SNTG1: variants seen among roughly 807,000 people sequenced by gnomAD.
SNTG1 encodes gamma-1-syntrophin.
Under a neutral mutation model 74.7 loss-of-function variants are expected in SNTG1, and 39 were observed. The ratio of observed to expected loss-of-function variants is 0.52; its 90% CI spans 0.40 to 0.68. The LOEUF (loss-of-function observed/expected upper bound fraction) is 0.68, where lower values mean the gene tolerates loss of function less well. Ranked by LOEUF, SNTG1 falls within the 30% of genes least tolerant of loss-of-function variation. The probability of loss-of-function intolerance (pLI) is 0.00; values close to 1 mark genes in which losing one functional copy is unlikely to be tolerated. For synonymous variants in SNTG1, 254 were observed against 217.1 expected, an observed-to-expected ratio of 1.17 and a Z score of -1.49; for missense variants, 685 against 609.5, an observed-to-expected ratio of 1.12 and a Z score of -1.30.
chr8:50,427,764 A>G (rs932093949), intron 4 of SNTG1, among the ~76,000 whole-genome samples: 1 of 151,732 alleles, frequency 6.6e-6, no homozygotes, highest in Non-Finnish European at 1.5e-5. Context: ...AAATATTCTC[A>G]GAACAAATTT....
chr8:50,277,909 C>T (rs765815431), intron 2 of SNTG1, among the ~76,000 whole-genome samples: 1 of 152,204 alleles, frequency 6.6e-6, no homozygotes, highest in South Asian at 2.1e-4. Flanking sequence ...CACGCTGGCT[C>T]ACACCTGTAA....
chr8:50,523,153 G>A (rs1375358357), intron 9 of SNTG1, among the ~76,000 whole-genome samples: 1 of 152,006 alleles, frequency 6.6e-6, no homozygotes, highest in African/African-American at 2.4e-5. Flanking sequence ...TTATAGAATT[G>A]AAGAGAGTTA....
At chr8:50,641,428 C>T (rs1040022739) in intron 13 of SNTG1, among the ~76,000 whole-genome samples, 5 of 152,214 alleles carry the variant, frequency 3.3e-5, no homozygotes, top group Non-Finnish European at 7.4e-5. Flanking sequence ...CCAGCTGTTG[C>T]TGTTGCTCAC....
intron 17 of SNTG1, among the ~76,000 whole-genome samples, chr8:50,745,013 G>A (rs546139781): frequency 1.3e-4 from 19 of 151,978 alleles, no homozygotes; most frequent in Non-Finnish European, 1.8e-4. Flanking sequence ...TTGCTATGAC[G>A]CCGAAAGCTC....
intron 18 of SNTG1, among the ~76,000 whole-genome samples, chr8:50,783,820 G>T (rs374282659): frequency 6.6e-6 from 1 of 152,156 alleles, no homozygotes; most frequent in African/African-American, 2.4e-5. Flanking sequence ...GACTGGAGCT[G>T]TTCCTATTTG....
chr8:50,070,006 T>C (rs1821227112), intron 1 of SNTG1, among the ~76,000 whole-genome samples: 1 of 152,146 alleles, frequency 6.6e-6, no homozygotes, highest in Non-Finnish European at 1.5e-5. Context: ...TCTGACCGTT[T>C]GTGGGGCTGT....
At chr8:50,051,239 G>GACACACAC (rs145739550) in intron 1 of SNTG1, among the ~76,000 whole-genome samples, 21,577 of 146,982 alleles carry the variant, frequency 0.15, 1,729 homozygotes, top group South Asian at 0.22. Flanking sequence ...AGAAAATCTT[G>GACACACAC]ACACACACAC....
intron 13 of SNTG1, among the ~76,000 whole-genome samples, chr8:50,617,888 C>T (rs557098516): frequency 4.9e-4 from 74 of 152,278 alleles, no homozygotes; most frequent in African/African-American, 1.6e-3. Context: ...GGTGTGGCAC[C>T]GGGCTGTCTG....
intron 18 of SNTG1, among the ~76,000 whole-genome samples, chr8:50,780,577 A>G (rs891671693): frequency 2.0e-5 from 3 of 151,924 alleles, no homozygotes; most frequent in Admixed American, 2.0e-4. Flanking sequence ...TATTGCATCT[A>G]TTTGATTCTT....
Position 50,734,928 on chromosome 8 carries a change from C to T in SNTG1, c.1285-17073C>T, listed in dbSNP as rs28818278. ...ATATATCTATATATATGTCCATATA[C>T]ATATATAGATATATATGGACATATA... On this transcript the variant is annotated intron_variant, in intron 17 of 18. Transcript: ENST00000642720. 1.8e-4 allele frequency among the ~76,000 whole-genome samples: 24 copies of T among 133,838 alleles called. 3 individuals carry two copies. The highest frequency in any genetic ancestry group is 1.5e-4 in the Admixed American group (2 of 13,124). 87.8% of individuals were successfully genotyped at this position (133,838 alleles called of 152,430 possible). A position where few individuals can be genotyped will look rare whatever the true frequency, so the allele number is the denominator to read the frequency against.
At chr8:50,405,861 T>C (rs1028893397) in intron 4 of SNTG1, among the ~76,000 whole-genome samples, 2 of 152,142 alleles carry the variant, frequency 1.3e-5, no homozygotes, top group Admixed American at 6.6e-5. Context: ...AGCATTTGGA[T>C]ATCCAGTTCA....
chr8:49,913,150 A>G (rs1239034809), intron 1 of SNTG1, among the ~76,000 whole-genome samples: 1 of 152,210 alleles, frequency 6.6e-6, no homozygotes, highest in Non-Finnish European at 1.5e-5. Context: ...CCCGTGCCTG[A>G]CATTTCACTA....
intron 2 of SNTG1, among the ~76,000 whole-genome samples, chr8:50,348,532 G>A (rs538692190): frequency 1.3e-5 from 2 of 152,206 alleles, no homozygotes; most frequent in South Asian, 4.1e-4. Context: ...CTTTAATTTG[G>A]TCACCGCAAG....
chr8:50,654,510 C>G (rs1033193529), intron 13 of SNTG1, among the ~76,000 whole-genome samples: 3 of 152,066 alleles, frequency 2.0e-5, no homozygotes, highest in South Asian at 2.1e-4. Context: ...TAATTAATGT[C>G]TGTATTAGAA....
At chr8:50,402,998 C>T (rs1351184582) in intron 4 of SNTG1, among the ~76,000 whole-genome samples, 1 of 152,126 alleles carries the variant, frequency 6.6e-6, no homozygotes, top group Non-Finnish European at 1.5e-5. Flanking sequence ...GGAAGACATC[C>T]TTAGATGAGA....
intron 15 of SNTG1, among the ~76,000 whole-genome samples, chr8:50,696,090 T>A (rs1247858163): frequency 2.0e-5 from 3 of 152,054 alleles, no homozygotes. Flanking sequence ...ACCAACAGTG[T>A]ATAAGCATTT....
At chr8:49,910,770 AC>A (rs1160307811), upstream of SNTG1, 5 of 152,334 alleles carry the variant, frequency 3.3e-5, no homozygotes, top group African/African-American at 9.6e-5. Context: ...AACAAAAAAA[AC>A]AACGTAAATT....
intron 2 of SNTG1, among the ~76,000 whole-genome samples, chr8:50,290,603 A>ATAT (rs2089040610): frequency 6.6e-6 from 1 of 152,168 alleles, no homozygotes; most frequent in African/African-American, 2.4e-5. Flanking sequence ...AAATATAGTC[A>ATAT]TTAGTATAGC....
At chr8:50,348,438 C>G (rs1039257857) in intron 2 of SNTG1, among the ~76,000 whole-genome samples, 2 of 152,196 alleles carry the variant, frequency 1.3e-5, no homozygotes, top group Non-Finnish European at 2.9e-5. Context: ...ATATGTCTCT[C>G]TCTTACATGT....
Sources: gnomAD v4.1 joint callset for allele counts (sites outside exome capture counted in the v4.1 genomes callset) on GRCh38, gnomAD v4.1.1 for gene constraint, MANE v1.5 for transcripts, NCBI Gene and HGNC (gene_info 2026-07-23, HGNC 2026-07-21) for gene names.